FAM13A: variants seen among roughly 807,000 people sequenced by gnomAD.
The protein encoded by FAM13A is protein FAM13A.
FAM13A carries 76 observed loss-of-function variants against 129.6 expected under a neutral mutation model. The observed-to-expected ratio is 0.59, with a 90% CI of 0.49 to 0.71. The LOEUF (loss-of-function observed/expected upper bound fraction) is 0.71. FAM13A is among the 30% of genes least tolerant of loss of function. FAM13A has a pLI of 0.00. For synonymous variants in FAM13A, 443 were observed against 449.9 expected (o/e 0.98, Z 0.20); for missense variants, 1,108 against 1,249.3 (o/e 0.89, Z 1.70).
At chr4:88,846,779 A>G (rs938174089) in intron 7 of FAM13A, among the ~76,000 whole-genome samples, 3 of 152,238 alleles carry the variant, frequency 2.0e-5, no homozygotes, top group Non-Finnish European at 2.9e-5. Flanking sequence ...AGGACAAATA[A>G]TAAATTGTTA....
chr4:89,006,906 C>T (rs941172702), intron 3 of FAM13A, among the ~76,000 whole-genome samples: 12 of 152,144 alleles, frequency 7.9e-5, no homozygotes, highest in Admixed American at 2.6e-4. Context: ...GACACTCAGT[C>T]GCTTCTTCTC....
In FAM13A at chr4:88,771,127, GA is replaced by G. The variant is rs1720590224; in HGVS notation, c.1459-3069del. On this transcript the variant is annotated intron_variant, in intron 11 of 23. Transcript: ENST00000264344. Reference sequence around the variant, plus strand: ...TATACCTTTTGGAAATGGAAAATCTGAAGAATGCTACAACCCGGAAAGCATT... The same window carrying G: ...TATACCTTTTGGAAATGGAAAATCTGAGAATGCTACAACCCGGAAAGCATT... Among the ~76,000 whole-genome samples the G allele has an allele frequency of 2.0e-5, 3 of 147,264 alleles. No homozygotes were observed. In the South Asian group the frequency reaches 6.4e-4, roughly 32 times the overall value.
At chr4:88,868,486 C>T (rs1740819957) in intron 6 of FAM13A, among the ~76,000 whole-genome samples, 1 of 152,182 alleles carries the variant, frequency 6.6e-6, no homozygotes, top group Non-Finnish European at 1.5e-5. Context: ...AGCTTCCTAA[C>T]TAGTCTCCCT....
chr4:88,810,689 G>T (rs1392921211), intron 7 of FAM13A, among the ~76,000 whole-genome samples: 1 of 152,098 alleles, frequency 6.6e-6, no homozygotes, highest in African/African-American at 2.4e-5. Context: ...ATACTGACAT[G>T]GGGATTTGGT....
rs72875831 is a variant in FAM13A, at chr4:89,054,480, G to A, written c.27+2458C>T. On this transcript the variant is annotated intron_variant, in intron 1 of 23. Coordinates refer to ENST00000264344, the MANE Select transcript of FAM13A (RefSeq NM_014883.4). Reference sequence around the variant, plus strand: ...CAAAATATGGTGCTTTGGCATGCTGGGTATTTTTAATTAAAATGTCTCAGA... The same window carrying A: ...CAAAATATGGTGCTTTGGCATGCTGAGTATTTTTAATTAAAATGTCTCAGA... Among the ~76,000 whole-genome samples, 801 of 152,064 alleles carry A rather than the reference G, an allele frequency of 5.3e-3. 8 individuals are homozygous for A. Among genetic ancestry groups the A allele is most frequent in the African/African-American group, 0.019 (768 of 41,494 alleles).
At chr4:88,776,260 A>G (rs1721689734) in intron 11 of FAM13A, among the ~76,000 whole-genome samples, 2 of 152,182 alleles carry the variant, frequency 1.3e-5, no homozygotes, top group Admixed American at 6.5e-5. Flanking sequence ...TGAATATATC[A>G]TACATACATA....
chr4:89,026,912 T>C (rs1006713034), intron 2 of FAM13A, among the ~76,000 whole-genome samples: 3 of 152,212 alleles, frequency 2.0e-5, no homozygotes, highest in Non-Finnish European at 4.4e-5. Flanking sequence ...ATAGAGTCCC[T>C]GTCAAAAGTT....
chr4:89,035,107 G>A (rs1769205499), intron 1 of FAM13A, among the ~76,000 whole-genome samples: 1 of 152,102 alleles, frequency 6.6e-6, no homozygotes, highest in East Asian at 1.9e-4. Flanking sequence ...AGTATCCTAA[G>A]CAAACTAATG....
intron 3 of FAM13A, among the ~76,000 whole-genome samples, chr4:88,992,392 G>GA (rs772998146): frequency 4.6e-5 from 7 of 151,690 alleles, no homozygotes; most frequent in Non-Finnish European, 8.8e-5. Context: ...TCAGCCTCTT[G>GA]AGTAGCCGGG....
chr4:89,022,765 C>G (rs369072145), intron 2 of FAM13A, among the ~76,000 whole-genome samples: 1 of 152,126 alleles, frequency 6.6e-6, no homozygotes, highest in South Asian at 2.1e-4. Flanking sequence ...TCTCTCTCCC[C>G]CTCTCTCTGT....
At chr4:88,775,297 T>A (rs1316171918) in intron 11 of FAM13A, among the ~76,000 whole-genome samples, 1 of 152,072 alleles carries the variant, frequency 6.6e-6, no homozygotes, top group Non-Finnish European at 1.5e-5. Flanking sequence ...GGACCAGTCA[T>A]AGCACAAAAG....
At chr4:88,854,573 T>C (rs1432128469) in intron 6 of FAM13A, among the ~76,000 whole-genome samples, 2 of 152,224 alleles carry the variant, frequency 1.3e-5, no homozygotes, top group Non-Finnish European at 2.9e-5. Context: ...TTAGTAACTT[T>C]TGTATGTGAA....
At chr4:88,925,538 C>T (rs1049798597) in intron 5 of FAM13A, among the ~76,000 whole-genome samples, 13 of 121,798 alleles carry the variant, frequency 1.1e-4, no homozygotes, top group African/African-American at 3.9e-4. Context: ...GGGAACATCA[C>T]ACTCTGGGGA....
intron 7 of FAM13A, among the ~76,000 whole-genome samples, chr4:88,832,472 T>G (rs548249391): frequency 1.6e-4 from 25 of 152,234 alleles, no homozygotes; most frequent in Non-Finnish European, 2.8e-4. Flanking sequence ...AGGAGAATAT[T>G]TTTGCAATCT....
intron 6 of FAM13A, 77 bp from the exon 7 acceptor site, chr4:88,851,260 G>A: frequency 3.1e-6 from 4 of 1,297,500 alleles, no homozygotes; most frequent in East Asian, 4.9e-5. Flanking sequence ...TATGATAAAA[G>A]ACAATTTATT....
rs1324472883 is a variant in FAM13A, at chr4:88,851,044, G to C, written c.983C>G (p.Ala328Gly). The change falls in exon 7 of 24, where the codon GCT (alanine) becomes GGT (glycine). Residue 328 changes from alanine to glycine, a missense_variant. Ala to Gly is a moderately conservative substitution (Grantham distance 60). Coordinates refer to ENST00000264344, the MANE Select transcript of FAM13A (RefSeq NM_014883.4). ...CCTGGGTACCAACTTGGCACTAATA[G>C]CACCCTCTGCTGAATTCATGTCTTC... ...CLEDMNSAEGAISAKLVPSSQ... is the reference protein window; with the variant it reads ...CLEDMNSAEGGISAKLVPSSQ... The C allele has an allele frequency of 1.9e-6, 3 of 1,613,984 alleles. No individual in the cohort carries two copies. The highest frequency in any genetic ancestry group is 2.5e-6 in the Non-Finnish European group (3 of 1,179,944).
chr4:88,911,479 C>T (rs572971612), intron 5 of FAM13A, among the ~76,000 whole-genome samples: 4 of 152,316 alleles, frequency 2.6e-5, no homozygotes, highest in South Asian at 4.1e-4. Context: ...TCTCAAACCC[C>T]TTTCTTTCCA....
intron 7 of FAM13A, among the ~76,000 whole-genome samples, chr4:88,837,955 T>A (rs528660510): frequency 6.6e-6 from 1 of 152,102 alleles, no homozygotes; most frequent in South Asian, 2.1e-4. Context: ...ATCAATAATA[T>A]TTGGGAAAAA....
At chr4:88,847,086 A>G (rs996955843) in intron 7 of FAM13A, among the ~76,000 whole-genome samples, 1 of 152,264 alleles carries the variant, frequency 6.6e-6, no homozygotes, top group Non-Finnish European at 1.5e-5. Flanking sequence ...AAAAGTAAAC[A>G]TCTCTTCACA....
Sources: gnomAD v4.1 joint callset for allele counts (sites outside exome capture counted in the v4.1 genomes callset) on GRCh38, gnomAD v4.1.1 for gene constraint, MANE v1.5 for transcripts, NCBI Gene and HGNC (gene_info 2026-07-23, HGNC 2026-07-21) for gene names.